MCCC1: variants seen among roughly 807,000 people sequenced by gnomAD.
The protein encoded by MCCC1 is methylcrotonyl-CoA carboxylase subunit 1.
Under a neutral mutation model 83.8 loss-of-function variants are expected in MCCC1, and 64 were observed. The observed-to-expected ratio is 0.76, with a 90% CI of 0.62 to 0.94. The LOEUF is 0.94. Ranked by LOEUF, MCCC1 falls within the 40% of genes least tolerant of loss-of-function variation. The pLI, the probability that MCCC1 is intolerant of heterozygous loss-of-function variation, is 0.00. For missense variants in MCCC1, 807 were observed against 904.7 expected, an observed-to-expected ratio of 0.89 and a Z score of 1.39; for synonymous variants, 322 against 315.4, an observed-to-expected ratio of 1.02 and a Z score of -0.22.
intron 4 of MCCC1, among the ~76,000 whole-genome samples, chr3:183,075,022 T>C (rs935910907): frequency 5.3e-5 from 8 of 152,206 alleles, no homozygotes; most frequent in African/African-American, 1.9e-4. Context: ...TCCAGCTCCA[T>C]CCATGTTCCC....
At chr3:183,050,637 C>G (rs1017604615) in intron 9 of MCCC1, among the ~76,000 whole-genome samples, 3 of 129,908 alleles carry the variant, frequency 2.3e-5, no homozygotes, top group Non-Finnish European at 4.7e-5. Context: ...ACCTGGGAGG[C>G]GGAGGTTGCA....
Position 183,092,422 on chromosome 3 carries a change from A to G in MCCC1, c.260T>C (p.Met87Thr). Residue 87 changes from methionine to threonine, a missense_variant, in exon 3 of 19, where the codon ATG (methionine) becomes ACG (threonine). By Grantham distance (81) the Met-to-Thr change is moderately conservative. Coordinates refer to ENST00000265594, the MANE Select transcript of MCCC1 (RefSeq NM_020166.5). The part of the protein sequence containing the change: ...AVYSEADRNS[M>T]HVDMADEAYS... ...TTTAACACATACCATATCTACATGC[A>G]TGGAATTTCTGTCAGCCTCACTATA... The G allele has an allele frequency of 6.2e-7, 1 of 1,614,226 alleles. No individual in the cohort carries two copies. The highest frequency in any genetic ancestry group is 8.5e-7 in the Non-Finnish European group (1 of 1,180,042).
chr3:183,106,690 T>C (rs1180449338), intron 1 of MCCC1, among the ~76,000 whole-genome samples: 1 of 151,944 alleles, frequency 6.6e-6, no homozygotes, highest in Non-Finnish European at 1.5e-5. Flanking sequence ...AGAGACGGAG[T>C]TTCACCGTGT....
At chr3:183,026,423 A>G (rs967188908) in intron 14 of MCCC1, among the ~76,000 whole-genome samples, 2 of 152,160 alleles carry the variant, frequency 1.3e-5, no homozygotes, top group African/African-American at 4.8e-5. Context: ...ATAATTTTAA[A>G]AATGCAGGCC....
In MCCC1 at chr3:183,022,503, A is replaced by C. The variant is rs1187201531; in HGVS notation, c.1783T>G (p.Cys595Gly). ...TTAACAGAACATTTCAGGTAAGTGCAGTCTCCCTCGCTGTAAAGATTACCA... is the reference window on the plus strand; with the variant it reads ...TTAACAGAACATTTCAGGTAAGTGCCGTCTCCCTCGCTGTAAAGATTACCA... ...VLGNLYSEGD[C>G]TYLKCSVNGV... is the part of the protein sequence containing the mutation. The change falls in exon 16 of 19, where the codon TGC (cysteine) becomes GGC (glycine). Residue 595 changes from cysteine (C) to glycine (G), a missense_variant. Transcript: ENST00000265594. 1 of 1,613,998 alleles carries C rather than the reference A, an allele frequency of 6.2e-7. No individual in the cohort carries two copies. Among genetic ancestry groups the C allele is most frequent in the Middle Eastern group, 1.6e-4 (1 of 6,062 alleles).
At chr3:183,016,235 T>C (rs1711609165) in intron 18 of MCCC1, 1 of 146,078 alleles carries the variant, frequency 6.8e-6, no homozygotes, top group African/African-American at 2.6e-5. Context: ...CCTTGTTGTT[T>C]GTTTTTTTAA....
intron 14 of MCCC1, among the ~76,000 whole-genome samples, chr3:183,026,324 G>A (rs1007880024): frequency 2.6e-5 from 4 of 152,194 alleles, no homozygotes; most frequent in African/African-American, 9.7e-5. Flanking sequence ...TTACAGACAT[G>A]AGTCACCACA....
At chr3:183,080,120 T>C (rs150281598) in intron 4 of MCCC1, among the ~76,000 whole-genome samples, 2,291 of 152,270 alleles carry the variant, frequency 0.015, 30 homozygotes, top group Middle Eastern at 0.024. Flanking sequence ...ATTTTCCCCA[T>C]TGTCTTGGGG....
rs1199277769 is a variant in MCCC1 at position 183,064,613 on chromosome 3, C to T, written c.761+6386G>A. On this transcript the variant is annotated intron_variant, in intron 7 of 18. Transcript: ENST00000265594. The surrounding 1 kb of genome is among the most constrained non-coding windows in gnomAD (Gnocchi z 4.5). ...CGCCAGCTCCCCGGTTCGCCGGCTG[C>T]GGTACGCCTCCTGCGCGTTGCCGAA... is the stretch of plus-strand genomic sequence containing the variant. 6.6e-6 allele frequency among the ~76,000 whole-genome samples: 1 copy of T among 152,322 alleles called. No individual in the cohort carries two copies. Among genetic ancestry groups the T allele is most frequent in the South Asian group, 2.1e-4 (1 of 4,830 alleles).
chr3:183,019,395 G>C (rs1711954259), intron 17 of MCCC1, among the ~76,000 whole-genome samples: 1 of 152,174 alleles, frequency 6.6e-6, no homozygotes, highest in African/African-American at 2.4e-5. Flanking sequence ...AGGTGATTAG[G>C]TCATGAGGGA....
At chr3:183,105,119 C>T (rs939742853) in intron 1 of MCCC1, among the ~76,000 whole-genome samples, 9 of 152,172 alleles carry the variant, frequency 5.9e-5, no homozygotes, top group African/African-American at 1.7e-4. Context: ...CCGAGGCAGG[C>T]GACTCACCTG....
At chr3:183,071,445 T>A (rs1716681480) in intron 5 of MCCC1, 88 bp from the exon 6 acceptor site, 33 of 1,574,452 alleles carry the variant, frequency 2.1e-5, no homozygotes, top group Non-Finnish European at 2.7e-5. Context: ...GTCTATAAAT[T>A]ACAATGGAAC....
chr3:183,071,006 T>C lies in MCCC1; in HGVS notation c.754A>G (p.Thr252Ala). ...DAMLIEKFVD[T>A]PRHVEVQVFG... ...AAAATAAGGCCAACCCACCTCGGTGTGTCTACAAACTTCTCGATCAGCATA... is the reference window on the plus strand; with the variant it reads ...AAAATAAGGCCAACCCACCTCGGTGCGTCTACAAACTTCTCGATCAGCATA... Residue 252 changes from threonine to alanine, a missense_variant, in exon 7 of 19, where the codon ACA becomes GCA. Thr to Ala is a moderately conservative substitution (Grantham distance 58). Transcript: ENST00000265594. The C allele has an allele frequency of 1.2e-6, 2 of 1,613,998 alleles. No individual in the cohort carries two copies. Among genetic ancestry groups the C allele is most frequent in the South Asian group, 1.1e-5 (1 of 91,054 alleles).
At chr3:183,052,564 T>G (rs1219848906) in intron 8 of MCCC1, among the ~76,000 whole-genome samples, 1 of 152,094 alleles carries the variant, frequency 6.6e-6, no homozygotes, top group East Asian at 1.9e-4. Flanking sequence ...ATCCCAGCAC[T>G]TTGGGAGGCT....
chr3:183,034,035 T>C lies in MCCC1; in HGVS notation c.1637A>G (p.Asn546Ser). ...AGTCATGTTTCTGGTATACGAGATA[T>C]TCAGTCTTCTTCCACTGCTAGACGA... ...PFSSSSGRRL[N>S]ISYTRNMTLK... The change falls in exon 14 of 19, where the codon AAT becomes AGT. Residue 546 changes from asparagine (N) to serine (S), a missense_variant. Transcript: ENST00000265594. The C allele has an allele frequency of 1.2e-6, 2 of 1,612,388 alleles. No individual in the cohort carries two copies. The highest frequency in any genetic ancestry group is 1.1e-5 in the South Asian group (1 of 91,022).
chr3:183,090,993 C>G (rs1189290614), intron 3 of MCCC1: 1 of 456,504 alleles, frequency 2.2e-6, no homozygotes, highest in Non-Finnish European at 4.4e-6. Context: ...GTGGCAGGAA[C>G]CTCAATTTTA....
upstream of MCCC1, among the ~76,000 whole-genome samples, chr3:183,099,865 C>T (rs905146724): frequency 2.0e-5 from 3 of 152,174 alleles, no homozygotes; most frequent in Non-Finnish European, 4.4e-5. Flanking sequence ...ACACAATTCT[C>T]TAGTGCTCTC....
rs2108441391 is a variant in MCCC1, at chr3:183,022,443, C to G, written c.1843G>C (p.Glu615Gln). 1.9e-6 allele frequency: 3 copies of G among 1,614,086 alleles called. No individual in the cohort carries two copies. The highest frequency in any genetic ancestry group is 2.5e-6 in the Non-Finnish European group (3 of 1,180,006). Reference protein sequence around the residue: ...VASKAKLIILENTIYLFSKEG... With the variant: ...VASKAKLIILQNTIYLFSKEG... Reference sequence around the variant, plus strand: ...TTGGAAAATAGGTAAATAGTGTTTTCCAGGATAATCAGCTTCGCTTTACTA... The same window carrying G: ...TTGGAAAATAGGTAAATAGTGTTTTGCAGGATAATCAGCTTCGCTTTACTA... The change falls in exon 16 of 19, where the codon GAA becomes CAA. Residue 615 changes from glutamate to glutamine, a missense_variant. Transcript: ENST00000265594.
At chr3:183,057,673 T>C (rs1715524512) in intron 7 of MCCC1, among the ~76,000 whole-genome samples, 1 of 151,626 alleles carries the variant, frequency 6.6e-6, no homozygotes, top group South Asian at 2.1e-4. Flanking sequence ...AGCCCAGGAG[T>C]TCAAGATGAG....
Sources: allele counts gnomAD v4.1 joint callset (sites outside exome capture counted in the v4.1 genomes callset), GRCh38; gene constraint gnomAD v4.1.1; non-coding constraint Gnocchi (gnomAD v3.1); transcripts MANE v1.5; gene names NCBI Gene and HGNC (gene_info 2026-07-23, HGNC 2026-07-21).